The following IL1RAPL1 variants were observed in gnomAD, a reference collection of about 807,000 sequenced individuals.
IL1RAPL1 encodes the protein interleukin 1 receptor accessory protein like 1.
Under a neutral mutation model 48.4 loss-of-function variants are expected in IL1RAPL1, and 3 were observed. The observed-to-expected ratio is 0.06, with a 90% confidence interval of 0.03 to 0.16. The LOEUF (loss-of-function observed/expected upper bound fraction) is 0.16, where lower values mean the gene tolerates loss of function less well. Ranked by LOEUF, IL1RAPL1 falls within the 10% of genes least tolerant of loss-of-function variation. IL1RAPL1 has a pLI of 1.00. For synonymous variants in IL1RAPL1, 185 were observed against 187.7 expected (o/e 0.99, Z 0.12); for missense variants, 349 against 530.6 (o/e 0.66, Z 3.36).
At chrX:29,103,916 A>G (rs749101141) in intron 2 of IL1RAPL1, among the ~76,000 whole-genome samples, 2 of 112,027 alleles carry the variant, frequency 1.8e-5, no homozygotes, top group South Asian at 3.7e-4. Context: ...CAAAACTACA[A>G]TGAGATATCA....
At chrX:29,224,667 T>A (rs779634813) in intron 2 of IL1RAPL1, among the ~76,000 whole-genome samples, 1 of 112,050 alleles carries the variant, frequency 8.9e-6, no homozygotes, top group Non-Finnish European at 1.9e-5. Flanking sequence ...ACTTTCACTT[T>A]TTTGTAACAT....
chrX:29,142,729 C>T (rs1301014673), intron 2 of IL1RAPL1, among the ~76,000 whole-genome samples: 8 of 108,371 alleles, frequency 7.4e-5, no homozygotes, highest in African/African-American at 2.4e-4. Context: ...CAGTCTTGCT[C>T]TTGCTCTGTT....
intron 5 of IL1RAPL1, among the ~76,000 whole-genome samples, chrX:29,430,064 C>G (rs1934401833): frequency 9.2e-6 from 1 of 108,758 alleles, no homozygotes; most frequent in Non-Finnish European, 1.9e-5. Context: ...TGCATACAGT[C>G]AAGAATTGTC....
chrX:29,590,734 C>T (rs1233158054), intron 5 of IL1RAPL1, among the ~76,000 whole-genome samples: 1 of 111,411 alleles, frequency 9.0e-6, no homozygotes, highest in East Asian at 2.8e-4. Context: ...AAGCCTGGCT[C>T]CTTATAGAAG....
chrX:29,111,120 A>G (rs1305083763), intron 2 of IL1RAPL1, among the ~76,000 whole-genome samples: 1 of 111,668 alleles, frequency 9.0e-6, no homozygotes, highest in African/African-American at 3.3e-5. Flanking sequence ...TAATAAAATG[A>G]ACACCTGTGT....
At chrX:28,678,490 G>T (rs1246906849) in intron 1 of IL1RAPL1, among the ~76,000 whole-genome samples, 2 of 111,695 alleles carry the variant, frequency 1.8e-5, no homozygotes, top group East Asian at 5.6e-4. Context: ...CTGAAAGCAA[G>T]AAAGGAAAAA....
At chrX:29,252,203 C>T (rs918414138) in intron 2 of IL1RAPL1, among the ~76,000 whole-genome samples, 1 of 110,006 alleles carries the variant, frequency 9.1e-6, no homozygotes, top group Non-Finnish European at 1.9e-5. Flanking sequence ...CAGCATGGCA[C>T]ATGTATACAT....
At chrX:29,044,957 G>A (rs1926922978) in intron 2 of IL1RAPL1, among the ~76,000 whole-genome samples, 1 of 111,915 alleles carries the variant, frequency 8.9e-6, no homozygotes, top group Non-Finnish European at 1.9e-5. Flanking sequence ...GGCAGGCTGT[G>A]TGCATGGGTG....
chrX:29,909,193 A>C (rs1932711424), intron 6 of IL1RAPL1, among the ~76,000 whole-genome samples: 2 of 111,447 alleles, frequency 1.8e-5, no homozygotes, highest in Non-Finnish European at 3.8e-5. Flanking sequence ...TGGGCAACAT[A>C]GGGAGACCCT....
At chrX:29,222,034 A>AAAAC (rs3065742) in intron 2 of IL1RAPL1, among the ~76,000 whole-genome samples, 2 of 107,420 alleles carry the variant, frequency 1.9e-5, no homozygotes. Flanking sequence ...AAAAAAAAAA[A>AAAAC]CCTGCACATG....
chrX:29,767,368 G>A (rs1342108506), intron 6 of IL1RAPL1, among the ~76,000 whole-genome samples: 1 of 112,103 alleles, frequency 8.9e-6, no homozygotes. Flanking sequence ...TATCTGGCAA[G>A]CTATTCTCTT....
chrX:29,617,510 A>G (rs1285923073), intron 5 of IL1RAPL1, among the ~76,000 whole-genome samples: 1 of 111,968 alleles, frequency 8.9e-6, no homozygotes, highest in Non-Finnish European at 1.9e-5. Context: ...CTCGCAGTTT[A>G]TTTAGGTCAG....
chrX:29,100,692 T>C (rs1368928480), intron 2 of IL1RAPL1, among the ~76,000 whole-genome samples: 2 of 111,843 alleles, frequency 1.8e-5, no homozygotes, highest in Non-Finnish European at 3.8e-5. Context: ...ATTTATTAGA[T>C]GGGTGACCTT....
At chrX:29,452,916 A>ATTTTT (rs72259685) in intron 5 of IL1RAPL1, among the ~76,000 whole-genome samples, 1 of 48,879 alleles carries the variant, frequency 2.0e-5, no homozygotes, top group Non-Finnish European at 3.5e-5. Context: ...GTGACTACAG[A>ATTTTT]TTTTTTTTTT....
At chrX:29,003,981 A>G (rs1235800787) in intron 2 of IL1RAPL1, among the ~76,000 whole-genome samples, 1 of 111,343 alleles carries the variant, frequency 9.0e-6, no homozygotes, top group East Asian at 2.8e-4. Flanking sequence ...GTCTCTACTA[A>G]AACTACAAAA....
At chrX:28,676,222 T>C (rs1376663530) in intron 1 of IL1RAPL1, among the ~76,000 whole-genome samples, 1 of 111,393 alleles carries the variant, frequency 9.0e-6, no homozygotes, top group Non-Finnish European at 1.9e-5. Flanking sequence ...ACTGAGATGA[T>C]TTTAAAGCAT....
rs1344230590 is a variant in IL1RAPL1, at chrX:29,405,441, A to G, written c.703+6133A>G. 2.1e-5 allele frequency among the ~76,000 whole-genome samples: 2 copies of G among 94,830 alleles called. 1 individual carries two copies. The highest frequency in any genetic ancestry group is 1.0e-4 in the African/African-American group (2 of 19,529). The allele number at this position is 94,830 out of a possible 115,157, so 82.3% of individuals were successfully genotyped here. On this transcript the variant is annotated intron_variant, in intron 5 of 10. Coordinates refer to ENST00000378993, the MANE Select transcript of IL1RAPL1 (RefSeq NM_014271.4). ...GAGTGCAGTGGCGGGATCTCGGCTC[A>G]CTGCAAGCTCCGCCTCCCGGGTTCA... is the stretch of plus-strand genomic sequence containing the variant.
intron 8 of IL1RAPL1, among the ~76,000 whole-genome samples, chrX:29,932,405 T>C (rs1932961723): frequency 8.9e-6 from 1 of 112,288 alleles, no homozygotes; most frequent in Admixed American, 9.4e-5. Flanking sequence ...ATGGGTTCCA[T>C]GAATCCGCAA....
chrX:29,323,766 T>A (rs1932824921), intron 3 of IL1RAPL1, among the ~76,000 whole-genome samples: 1 of 42,341 alleles, frequency 2.4e-5, no homozygotes, highest in Admixed American at 3.1e-4. Context: ...TATATATATA[T>A]ATATATATAT....
Sources: allele counts gnomAD v4.1 joint callset (sites outside exome capture counted in the v4.1 genomes callset), GRCh38; gene constraint gnomAD v4.1.1; transcripts MANE v1.5; gene names NCBI Gene and HGNC (gene_info 2026-07-23, HGNC 2026-07-21).